Variants in MACROD2 observed in about 807,000 individuals in gnomAD.
MACROD2 encodes ADP-ribose glycohydrolase MACROD2.
In MACROD2, 36 loss-of-function variants were observed where a neutral mutation model predicts 70.4. The ratio of observed to expected loss-of-function variants is 0.51; its 90% confidence interval spans 0.39 to 0.68. MACROD2 has a LOEUF of 0.68. MACROD2 is among the 30% of genes least tolerant of loss of function. The probability of loss-of-function intolerance (pLI) is 0.00; values close to 1 mark genes in which losing one functional copy is unlikely to be tolerated. For missense variants in MACROD2, 496 were observed against 538.4 expected (o/e 0.92, Z 0.78); for synonymous variants, 172 against 178.8 (o/e 0.96, Z 0.30).
intron 5 of MACROD2, among the ~76,000 whole-genome samples, chr20:15,034,888 T>C (rs1437743687): frequency 2.6e-5 from 4 of 152,184 alleles, no homozygotes; most frequent in Non-Finnish European, 5.9e-5. Context: ...GGCCCTCCCA[T>C]TTATACAAAT....
intron 6 of MACROD2, among the ~76,000 whole-genome samples, chr20:15,306,685 G>C (rs2146138248): frequency 6.6e-6 from 1 of 152,244 alleles, no homozygotes; most frequent in Admixed American, 6.5e-5. Flanking sequence ...CCTGTGTGCT[G>C]GGCTAAGAGT....
At chr20:15,810,922 A>C (rs1334698041) in intron 8 of MACROD2, among the ~76,000 whole-genome samples, 1 of 150,330 alleles carries the variant, frequency 6.7e-6, no homozygotes, top group Non-Finnish European at 1.5e-5. Context: ...CTTACACCTT[A>C]TACAAAAATC....
At chr20:14,805,493 T>A (rs965204329) in intron 5 of MACROD2, among the ~76,000 whole-genome samples, 1 of 152,108 alleles carries the variant, frequency 6.6e-6, no homozygotes, top group African/African-American at 2.4e-5. Flanking sequence ...TAAATATTGA[T>A]CACATGAATG....
In MACROD2 at chr20:15,209,582, G is replaced by A. The variant is rs536100177; in HGVS notation, c.419-20358G>A. ...AATCTTCTTTTGTAGGACAGGTTACGCCCAGGTTTGGAAGAGGGGTGCAAA... is the reference window on the plus strand; with the variant it reads ...AATCTTCTTTTGTAGGACAGGTTACACCCAGGTTTGGAAGAGGGGTGCAAA... On this transcript the variant is annotated intron_variant, in intron 5 of 17. Coordinates refer to ENST00000684519, the MANE Select transcript of MACROD2 (RefSeq NM_001351661.2). 9.7e-4 allele frequency among the ~76,000 whole-genome samples: 148 copies of A among 152,224 alleles called. 2 individuals carry two copies. In the South Asian group the frequency reaches 0.023, roughly 24 times the overall value.
chr20:15,089,029 G>A (rs6079655), intron 5 of MACROD2, among the ~76,000 whole-genome samples: 1 of 152,004 alleles, frequency 6.6e-6, no homozygotes, highest in Non-Finnish European at 1.5e-5. Context: ...CAGTAGAGTA[G>A]GACAGTTTTT....
At chr20:14,460,803 T>G (rs561573016) in intron 3 of MACROD2, among the ~76,000 whole-genome samples, 1 of 152,178 alleles carries the variant, frequency 6.6e-6, no homozygotes, top group African/African-American at 2.4e-5. Flanking sequence ...CTTTTTGATG[T>G]GTTGCTAATT....
At chr20:14,446,820 G>C (rs74333038) in intron 3 of MACROD2, among the ~76,000 whole-genome samples, 4 of 151,972 alleles carry the variant, frequency 2.6e-5, no homozygotes, top group Non-Finnish European at 4.4e-5. Context: ...GCCAAAAAAG[G>C]CAAAGAAAAT....
At chr20:15,219,896 A>G (rs931291029) in intron 5 of MACROD2, among the ~76,000 whole-genome samples, 8 of 151,376 alleles carry the variant, frequency 5.3e-5, no homozygotes, top group Non-Finnish European at 1.2e-4. Flanking sequence ...TTCTAAAATG[A>G]GCAATATGCA....
chr20:15,181,483 G>A (rs984582072), intron 5 of MACROD2, among the ~76,000 whole-genome samples: 3 of 152,228 alleles, frequency 2.0e-5, no homozygotes, highest in African/African-American at 4.8e-5. Flanking sequence ...AAGGCCAACA[G>A]CAGTGTGTTG....
chr20:16,013,141 C>G (rs1055687235), intron 15 of MACROD2, among the ~76,000 whole-genome samples: 6 of 151,634 alleles, frequency 4.0e-5, no homozygotes, highest in Non-Finnish European at 7.4e-5. Flanking sequence ...GATCACGTGA[C>G]TGCACTCCAA....
At chr20:15,461,943 A>ATT (rs529683258) in intron 7 of MACROD2, among the ~76,000 whole-genome samples, 1 of 150,758 alleles carries the variant, frequency 6.6e-6, no homozygotes, top group Non-Finnish European at 1.5e-5. Context: ...TAAAAATAAG[A>ATT]TTTTTTTTTT....
rs187814604 is a variant in MACROD2 at position 16,035,691 on chromosome 20, T to G, written c.1154-5510T>G. Among the ~76,000 whole-genome samples, 15 of 152,152 alleles carry G rather than the reference T, an allele frequency of 9.9e-5. No homozygotes were observed. In the East Asian group the frequency reaches 2.9e-3, roughly 29 times the overall value. Reference sequence around the variant, plus strand: ...ATGTAATGCTTCATCTCAAACCATCTTCAACCTCAGGGGATTTAGAACAGT... The same window carrying G: ...ATGTAATGCTTCATCTCAAACCATCGTCAACCTCAGGGGATTTAGAACAGT... On this transcript the variant is annotated intron_variant, in intron 15 of 17. Transcript: ENST00000684519.
chr20:15,028,711 A>C (rs1261670261), intron 5 of MACROD2, among the ~76,000 whole-genome samples: 1 of 152,144 alleles, frequency 6.6e-6, no homozygotes, highest in East Asian at 1.9e-4. Context: ...CTGAGATGTG[A>C]AGGGTGAATA....
chr20:15,848,961 C>T (rs1446911381), intron 8 of MACROD2, among the ~76,000 whole-genome samples: 1 of 152,158 alleles, frequency 6.6e-6, no homozygotes, highest in African/African-American at 2.4e-5. Context: ...GTTCCTCTAT[C>T]TGGCATTTAA....
At chr20:14,565,178 C>T (rs563968571) in intron 4 of MACROD2, among the ~76,000 whole-genome samples, 2 of 151,636 alleles carry the variant, frequency 1.3e-5, no homozygotes, top group Non-Finnish European at 2.9e-5. Context: ...ATTGTGGACT[C>T]CAAATGGTGG....
At chr20:14,709,299 G>C (rs772641205) in intron 5 of MACROD2, among the ~76,000 whole-genome samples, 3 of 151,590 alleles carry the variant, frequency 2.0e-5, no homozygotes, top group Non-Finnish European at 4.4e-5. Flanking sequence ...TCAAAATTTT[G>C]AAATTTTGGT....
chr20:15,459,951 A>G (rs2146411244), intron 7 of MACROD2, among the ~76,000 whole-genome samples: 1 of 152,234 alleles, frequency 6.6e-6, no homozygotes, highest in African/African-American at 2.4e-5. Flanking sequence ...AAAACTGGCC[A>G]TAGTAACAGA....
chr20:14,315,971 T>C (rs1174444121), intron 3 of MACROD2, among the ~76,000 whole-genome samples: 3 of 152,206 alleles, frequency 2.0e-5, no homozygotes, highest in African/African-American at 4.8e-5. Context: ...TTAAAGATTA[T>C]TGAAAAACAC....
chr20:15,393,057 C>T (rs1317693682), intron 6 of MACROD2, among the ~76,000 whole-genome samples: 1 of 151,996 alleles, frequency 6.6e-6, no homozygotes, highest in African/African-American at 2.4e-5. Flanking sequence ...ACTCTCATTT[C>T]TTGTCTGGAC....
Sources: gnomAD v4.1 joint callset for allele counts (sites outside exome capture counted in the v4.1 genomes callset) on GRCh38, gnomAD v4.1.1 for gene constraint, MANE v1.5 for transcripts, NCBI Gene and HGNC (gene_info 2026-07-23, HGNC 2026-07-21) for gene names.